The following ATM variants were observed in gnomAD, a reference collection of about 807,000 sequenced individuals.
ATM encodes ATM serine/threonine kinase.
A neutral mutation model predicts 387.0 loss-of-function variants in ATM; 308 were observed. The observed-to-expected ratio is 0.80, with a 90% CI of 0.73 to 0.87. The LOEUF (loss-of-function observed/expected upper bound fraction) is 0.87. Among genes scored for constraint, ATM ranks in the 40% least tolerant of loss-of-function variants. The probability of loss-of-function intolerance (pLI) is 0.00; values close to 1 mark genes in which losing one functional copy is unlikely to be tolerated. For synonymous variants in ATM, 1,156 were observed against 1,187.3 expected, an observed-to-expected ratio of 0.97 and a Z score of 0.54; for missense variants, 3,312 against 3,560.9, an observed-to-expected ratio of 0.93 and a Z score of 1.78.
chr11:108,308,150 T>G, intron 38 of ATM, 166 bp downstream of exon 38: 1 of 710,056 alleles, frequency 1.4e-6, no homozygotes. Context: ...AGGATAGCAG[T>G]TTGGTTAAAT....
intron 61 of ATM, among the ~76,000 whole-genome samples, chr11:108,359,235 A>G (rs2090413176): frequency 6.6e-6 from 1 of 151,748 alleles, no homozygotes; most frequent in African/African-American, 2.4e-5. Context: ...CAATTCAACA[A>G]GAAGAGCTAA....
chr11:108,347,421 A>T, intron 59 of ATM, 56 bp downstream of exon 59: 1 of 1,372,206 alleles, frequency 7.3e-7, no homozygotes, highest in Non-Finnish European at 1.0e-6. Context: ...GTCATCATGG[A>T]ATGTTGTTTG....
rs186158163 is a variant in ATM at position 108,357,645 on chromosome 11, C to A, written c.8850+2771C>A. 6.0e-3 allele frequency among the ~76,000 whole-genome samples: 907 copies of A among 152,224 alleles called. 9 individuals are homozygous for A. The highest frequency in any genetic ancestry group is 0.02 in the African/African-American group (815 of 41,564). ...CAAGTGGGTTCCTGACCCCTGACCC[C>A]CGAGCAGCCTAACTGGGAGGCACCC... On this transcript the variant is annotated intron_variant, in intron 61 of 62. Coordinates refer to ENST00000675843, the MANE Select transcript of ATM (RefSeq NM_000051.4).
At chr11:108,263,051 C>T (rs1389261016) in intron 16 of ATM, among the ~76,000 whole-genome samples, 4 of 152,012 alleles carry the variant, frequency 2.6e-5, no homozygotes, top group African/African-American at 9.7e-5. Context: ...TTTTAACACC[C>T]CACTGTCAAC....
chr11:108,345,657 T>G (rs566475880), intron 57 of ATM, 86 bp from the exon 58 acceptor site: 3 of 1,126,356 alleles, frequency 2.7e-6, no homozygotes, highest in Non-Finnish European at 3.7e-6. Flanking sequence ...TGCCCCTATA[T>G]CTGTCATATT....
rs573194307 is a variant in ATM, at chr11:108,252,704, A to C, written c.1803-113A>C. 95 of 739,182 alleles carry C rather than the reference A, an allele frequency of 1.3e-4. No homozygotes were observed. In the East Asian group the frequency reaches 2.5e-3, roughly 20 times the overall value. The allele number at this position is 739,182 out of a possible 1,614,324, so 45.8% of individuals were successfully genotyped here. A position where few individuals can be genotyped will look rare whatever the true frequency, so the allele number is the denominator to read the frequency against. On this transcript the variant is annotated intron_variant, in intron 11 of 62. Transcript: ENST00000675843. ...GTATAGATGAAAGCAATTTTAATCT[A>C]GGATCCAAATTTTAGAAGTCAAGAT...
intron 25 of ATM, among the ~76,000 whole-genome samples, chr11:108,283,402 C>T (rs2082333467): frequency 6.6e-6 from 1 of 152,078 alleles, no homozygotes; most frequent in African/African-American, 2.4e-5. Context: ...AGGTTTGAAA[C>T]AACTAAAAAG....
At position 108,356,515 on chromosome 11, in the gene ATM, G is replaced by A. The variant is rs118052871; in HGVS notation, c.8850+1641G>A. ...TGCACCATTGCCCTCCAGCCTGGGCGACAAGAGCAAGACTCTGTCTGTCTT... is the reference window on the plus strand; with the variant it reads ...TGCACCATTGCCCTCCAGCCTGGGCAACAAGAGCAAGACTCTGTCTGTCTT... On this transcript the variant is annotated intron_variant, in intron 61 of 62. Coordinates refer to ENST00000675843, the MANE Select transcript of ATM (RefSeq NM_000051.4). 7.9e-5 allele frequency among the ~76,000 whole-genome samples: 11 copies of A among 139,566 alleles called. No homozygotes were observed. In the South Asian group the frequency reaches 8.9e-4, roughly 11 times the overall value. 91.6% of individuals were successfully genotyped at this position (139,566 alleles called of 152,430 possible). A position where few individuals can be genotyped will look rare whatever the true frequency, so the allele number is the denominator to read the frequency against.
At chr11:108,330,705 T>C (rs1011197578) in intron 50 of ATM, among the ~76,000 whole-genome samples, 1 of 152,218 alleles carries the variant, frequency 6.6e-6, no homozygotes, top group Non-Finnish European at 1.5e-5. Context: ...TCCTATGTCT[T>C]TGCAGTTACC....
chr11:108,225,017 T>A (rs1278750933), intron 1 of ATM: 1 of 152,116 alleles, frequency 6.6e-6, no homozygotes, highest in Non-Finnish European at 1.5e-5. Flanking sequence ...AAGCTGAAGG[T>A]AAGAAAAACA....
Position 108,327,664 on chromosome 11 carries a change from T to C in ATM, c.6995T>C (p.Leu2332Pro), listed in dbSNP as rs4988111. ...SCAANNPSLK[L>P]TYTECLRVCG... Reference sequence around the variant, plus strand: ...ATACAGAACAATCCCAGCCTAAAACTTACATACACAGAATGTCTGAGGGTT... The same window carrying C: ...ATACAGAACAATCCCAGCCTAAAACCTACATACACAGAATGTCTGAGGGTT... Residue 2332 changes from leucine to proline, a missense_variant, in exon 48 of 63, where the codon CTT becomes CCT. Leu to Pro is a moderately conservative substitution (Grantham distance 98, BLOSUM62 -3). This residue lies in a region of ATM where 1,405 missense variants were observed against 1,604.4 expected (regional missense o/e 0.88). Coordinates refer to ENST00000675843, the MANE Select transcript of ATM (RefSeq NM_000051.4). The C allele has an allele frequency of 1.1e-3, 1,794 of 1,613,908 alleles. 23 individuals carry two copies. The African/African-American group carries it at 0.021, about 19-fold the overall frequency.
intron 56 of ATM, among the ~76,000 whole-genome samples, chr11:108,337,575 T>A (rs1036262251): frequency 1.3e-5 from 2 of 152,188 alleles, no homozygotes; most frequent in African/African-American, 4.8e-5. Flanking sequence ...AGATACCAGT[T>A]ATGTTGATGC....
At chr11:108,233,739 T>C (rs2079133251) in intron 4 of ATM, among the ~76,000 whole-genome samples, 1 of 152,002 alleles carries the variant, frequency 6.6e-6, no homozygotes, top group African/African-American at 2.4e-5. Flanking sequence ...CCTAGCTACC[T>C]GGGAGGCTGA....
At chr11:108,349,761 C>CT (rs778954156) in intron 59 of ATM, among the ~76,000 whole-genome samples, 1 of 152,112 alleles carries the variant, frequency 6.6e-6, no homozygotes, top group African/African-American at 2.4e-5. Flanking sequence ...TTGGTCCTTG[C>CT]TTTTTTAAGA....
intron 13 of ATM, among the ~76,000 whole-genome samples, chr11:108,254,761 C>T (rs949535980): frequency 1.3e-5 from 2 of 152,108 alleles, no homozygotes; most frequent in African/African-American, 4.8e-5. Flanking sequence ...AAGCAATTCT[C>T]CTGCCTCAGT....
At position 108,347,282 on chromosome 11, in the gene ATM, G is replaced by T. The variant is rs786201911; in HGVS notation, c.8588G>T (p.Gly2863Val). 1 of 1,605,494 alleles carries T rather than the reference G, an allele frequency of 6.2e-7. No individual in the cohort carries two copies. Among genetic ancestry groups the T allele is most frequent in the Non-Finnish European group, 8.5e-7 (1 of 1,172,482 alleles). Residue 2863 changes from glycine (G) to valine (V), a missense_variant, in exon 59 of 63, where the codon GGT becomes GTT. This residue lies in a region of ATM where 1,405 missense variants were observed against 1,604.4 expected (regional missense o/e 0.88). Transcript: ENST00000675843. ...TGTTTGTTTCTTTTTTCTCCAGTTG[G>T]TTACATACTTGGACTTGGTGATAGA... Reference protein sequence around the residue: ...TRSVATSSIVGYILGLGDRHV... With the variant: ...TRSVATSSIVVYILGLGDRHV...
At position 108,307,950 on chromosome 11, in the gene ATM, C is replaced by T. The variant is rs143577586; in HGVS notation, c.5728C>T (p.Leu1910Phe). The stretch of plus-strand genomic sequence containing the variant: ...GGATAAAAAATCACAAAGAACAATG[C>T]TTGCTGTTGTGGACTACATGAGAAG... ...CLDKKSQRTM[L>F]AVVDYMRRQK... The change falls in exon 38 of 63, where the codon CTT (leucine) becomes TTT (phenylalanine). Residue 1910 changes from leucine to phenylalanine, a missense_variant. Leu to Phe is a conservative substitution (Grantham distance 22). Coordinates refer to ENST00000675843, the MANE Select transcript of ATM (RefSeq NM_000051.4). 1.2e-6 allele frequency: 2 copies of T among 1,613,802 alleles called. No individual in the cohort carries two copies.
rs538160157 is a variant in ATM at position 108,355,071 on chromosome 11, C to T, written c.8850+197C>T. On this transcript the variant is annotated intron_variant, in intron 61 of 62. Transcript: ENST00000675843. ...CTGGTTTAGAAATGCCTTCAGCCCCCTTGAGTTTCTTGGAATGTTAGAGCA... is the reference window on the plus strand; with the variant it reads ...CTGGTTTAGAAATGCCTTCAGCCCCTTTGAGTTTCTTGGAATGTTAGAGCA... 63 of 582,200 alleles carry T rather than the reference C, an allele frequency of 1.1e-4. No individual in the cohort carries two copies. In the East Asian group the frequency reaches 1.8e-3, roughly 16 times the overall value. The allele number at this position is 582,200 out of a possible 1,614,324, so 36.1% of individuals were successfully genotyped here. A position where few individuals can be genotyped will look rare whatever the true frequency, so the allele number is the denominator to read the frequency against.
Position 108,317,480 on chromosome 11 carries a change from AG to A in ATM, c.6307del (p.Ala2103HisfsTer17), listed in dbSNP as rs2084789262. ...PELEELHYQA[A>X]WRNMQWDHCT... ...AACTAGAAGAACTTCATTACCAAGCAGCATGGAGGAATATGCAGTGGGACCA... is the reference window on the plus strand; with the variant it reads ...AACTAGAAGAACTTCATTACCAAGCACATGGAGGAATATGCAGTGGGACCA... On this transcript the variant is annotated frameshift_variant, in exon 43 of 63. Transcript: ENST00000675843. LOFTEE classifies it high-confidence loss of function. 6.2e-7 allele frequency: 1 copy of A among 1,612,324 alleles called. No homozygotes were observed. The highest frequency in any genetic ancestry group is 1.1e-5 in the South Asian group (1 of 91,064).
Sources: allele counts gnomAD v4.1 joint callset (sites outside exome capture counted in the v4.1 genomes callset), GRCh38; gene constraint gnomAD v4.1.1; regional missense constraint gnomAD v4.1.1; transcripts MANE v1.5; gene names NCBI Gene and HGNC (gene_info 2026-07-23, HGNC 2026-07-21).